The following RBFOX1 variants were observed in gnomAD, a reference collection of about 807,000 sequenced individuals.
RBFOX1 encodes RNA binding fox-1 homolog 1.
A neutral mutation model predicts 57.7 loss-of-function variants in RBFOX1; 8 were observed. That is an observed-to-expected ratio of 0.14 (90% CI 0.08 to 0.25). RBFOX1 has a LOEUF of 0.25. Ranked by LOEUF, RBFOX1 falls within the 10% of genes least tolerant of loss-of-function variation. The pLI, the probability that RBFOX1 is intolerant of heterozygous loss-of-function variation, is 1.00. For synonymous variants in RBFOX1, 326 were observed against 222.4 expected, an observed-to-expected ratio of 1.47 and a Z score of -4.15; for missense variants, 611 against 548.5, an observed-to-expected ratio of 1.11 and a Z score of -1.14.
chr16:6,418,848 G>C (rs1405798645), intron 2 of RBFOX1, among the ~76,000 whole-genome samples: 1 of 152,116 alleles, frequency 6.6e-6, no homozygotes, highest in East Asian at 1.9e-4. Flanking sequence ...AGTTTGATAT[G>C]CTTTTCCTTC....
At chr16:6,303,299 A>G (rs867968652) in intron 1 of RBFOX1, among the ~76,000 whole-genome samples, 1 of 152,238 alleles carries the variant, frequency 6.6e-6, no homozygotes, top group East Asian at 1.9e-4. Flanking sequence ...AAATAAGATA[A>G]TAAGGTGCTC....
At chr16:6,341,600 A>G (rs1240192235) in intron 2 of RBFOX1, among the ~76,000 whole-genome samples, 1 of 152,156 alleles carries the variant, frequency 6.6e-6, no homozygotes, top group Non-Finnish European at 1.5e-5. Context: ...TAATTAAGAA[A>G]ATTAATCCTT....
intron 3 of RBFOX1, among the ~76,000 whole-genome samples, chr16:6,777,293 T>A (rs1303097785): frequency 2.0e-5 from 3 of 152,188 alleles, no homozygotes; most frequent in African/African-American, 7.2e-5. Context: ...AGTAATTGAT[T>A]AGTACTACTG....
At chr16:5,730,400 G>T (rs1282961361) in intron 3 of RBFOX1, among the ~76,000 whole-genome samples, 2 of 152,078 alleles carry the variant, frequency 1.3e-5, no homozygotes, top group Non-Finnish European at 2.9e-5. Context: ...TCCCTGAGAG[G>T]GTCTGTAGAG....
At chr16:7,004,821 C>A (rs921653456) in intron 3 of RBFOX1, among the ~76,000 whole-genome samples, 2 of 152,098 alleles carry the variant, frequency 1.3e-5, no homozygotes, top group Non-Finnish European at 2.9e-5. Context: ...GCTGGGTCAG[C>A]TGTTGGAACC....
In RBFOX1 at chr16:5,634,858, C is replaced by T. The variant is rs548891084; in HGVS notation, c.318+35897C>T. On this transcript the variant is annotated intron_variant, in intron 3 of 19. Transcript: ENST00000641259. ...TTTCTAACCTCATATTTGGCAACATCATAAAAAAGAGAATCTTTTTACTCA... is the reference window on the plus strand; with the variant it reads ...TTTCTAACCTCATATTTGGCAACATTATAAAAAAGAGAATCTTTTTACTCA... Among the ~76,000 whole-genome samples, 4 of 152,290 alleles carry T rather than the reference C, an allele frequency of 2.6e-5. No individual in the cohort carries two copies. In the East Asian group the frequency reaches 7.7e-4, roughly 29 times the overall value.
chr16:7,579,700 C>A, intron 5 of RBFOX1, 77 bp from the exon 6 acceptor site: 1 of 1,553,666 alleles, frequency 6.4e-7, no homozygotes, highest in Non-Finnish European at 8.8e-7. Context: ...TCCTGCCACT[C>A]ATGGCAAGCA....
chr16:6,199,406 T>C (rs750448686), intron 1 of RBFOX1, among the ~76,000 whole-genome samples: 1 of 152,152 alleles, frequency 6.6e-6, no homozygotes, highest in Non-Finnish European at 1.5e-5. Flanking sequence ...CTCCCAAACT[T>C]AATGGGAAGT....
chr16:6,014,968 A>G (rs2094984582), upstream of RBFOX1, among the ~76,000 whole-genome samples: 1 of 149,904 alleles, frequency 6.7e-6, no homozygotes, highest in Non-Finnish European at 1.5e-5. Context: ...CAATCCCCCC[A>G]CCTCAGCCTC....
chr16:5,506,786 G>A (rs1023214948), intron 2 of RBFOX1, among the ~76,000 whole-genome samples: 5 of 152,086 alleles, frequency 3.3e-5, no homozygotes, highest in African/African-American at 1.2e-4. Context: ...TGCTCTGTTG[G>A]GTACGACCAC....
At chr16:6,649,965 A>G (rs758391057) in intron 2 of RBFOX1, among the ~76,000 whole-genome samples, 5 of 152,144 alleles carry the variant, frequency 3.3e-5, no homozygotes, top group Admixed American at 1.3e-4. Flanking sequence ...TTGTGCTGCT[A>G]TAAAAGTGGG....
intron 1 of RBFOX1, among the ~76,000 whole-genome samples, chr16:5,307,434 T>C (rs2063967356): frequency 6.6e-6 from 1 of 152,176 alleles, no homozygotes; most frequent in Non-Finnish European, 1.5e-5. Flanking sequence ...CGTGGTGAAG[T>C]TAAAATAAAA....
chr16:7,560,997 A>G (rs1232551036), intron 5 of RBFOX1, among the ~76,000 whole-genome samples: 1 of 152,084 alleles, frequency 6.6e-6, no homozygotes, highest in Non-Finnish European at 1.5e-5. Context: ...TGGTTTATTC[A>G]TTTCTCCTCC....
intron 1 of RBFOX1, among the ~76,000 whole-genome samples, chr16:6,066,841 G>T (rs549108263): frequency 4.1e-4 from 62 of 152,220 alleles, no homozygotes; most frequent in Non-Finnish European, 7.5e-4. Flanking sequence ...GTAGAGACAT[G>T]GGCTTTTCTT....
intron 14 of RBFOX1, among the ~76,000 whole-genome samples, chr16:7,705,620 G>A (rs1481223010): frequency 3.9e-5 from 6 of 152,164 alleles, no homozygotes. Context: ...TTTTATTCTA[G>A]GATCAATGGA....
chr16:6,521,600 C>G (rs1213661932), intron 2 of RBFOX1, among the ~76,000 whole-genome samples: 1 of 151,206 alleles, frequency 6.6e-6, no homozygotes, highest in Non-Finnish European at 1.5e-5. Context: ...CCTTAAAACA[C>G]CAGCAATCAC....
chr16:6,854,682 C>A (rs988287267), intron 3 of RBFOX1, among the ~76,000 whole-genome samples: 21 of 147,728 alleles, frequency 1.4e-4, no homozygotes. Flanking sequence ...GCAAGCTCCG[C>A]CTCCTGGGTT....
chr16:5,845,928 T>G (rs1349494030), intron 3 of RBFOX1, among the ~76,000 whole-genome samples: 1 of 152,068 alleles, frequency 6.6e-6, no homozygotes, highest in Non-Finnish European at 1.5e-5. Context: ...ATACCTGCAC[T>G]TTGGGAGGCT....
intron 5 of RBFOX1, among the ~76,000 whole-genome samples, chr16:7,555,826 G>A (rs909177919): frequency 1.3e-5 from 2 of 152,038 alleles, no homozygotes; most frequent in Admixed American, 1.3e-4. Context: ...CTACCTCCAC[G>A]GTCCCTTCCT....
Sources: gnomAD v4.1 joint callset for allele counts (sites outside exome capture counted in the v4.1 genomes callset) on GRCh38, gnomAD v4.1.1 for gene constraint, MANE v1.5 for transcripts, NCBI Gene and HGNC (gene_info 2026-07-23, HGNC 2026-07-21) for gene names.